TMEM235: variants seen among roughly 807,000 people sequenced by gnomAD.
TMEM235 encodes transmembrane protein 235.
TMEM235 carries 23 observed loss-of-function variants against 22.9 expected under a neutral mutation model. The observed-to-expected ratio is 1.00, with a 90% CI of 0.72 to 1.42. The LOEUF is 1.42. Ranked by LOEUF, TMEM235 falls within the 40% of genes most tolerant of loss-of-function variation. The pLI, the probability that TMEM235 is intolerant of heterozygous loss-of-function variation, is 0.00. For synonymous variants in TMEM235, 137 were observed against 140.5 expected, an observed-to-expected ratio of 0.98 and a Z score of 0.17; for missense variants, 308 against 299.5, an observed-to-expected ratio of 1.03 and a Z score of -0.21.
exon 2 of TMEM235, chr17:78,231,529 G>C (rs1346048509): frequency 7.7e-7 from 1 of 1,304,256 alleles, no homozygotes. Flanking sequence ...GGGCCAGCCC[G>C]TGCCAGGCTC....
exon 2 of TMEM235, chr17:78,231,518 A>C (rs1364999707): frequency 3.1e-6 from 4 of 1,303,980 alleles, no homozygotes; most frequent in Non-Finnish European, 3.0e-6. Context: ...CCAGGACCCC[A>C]GGGCCAGCCC....
At chr17:78,233,785 G>A in intron 2 of TMEM235, 110 bp from the exon 2 acceptor site, 1 of 864,140 alleles carries the variant, frequency 1.2e-6, no homozygotes, top group Non-Finnish European at 1.8e-6. Flanking sequence ...AGTTTCAGCA[G>A]AAGAGAAGCT....
Position 78,237,754 on chromosome 17 carries a change from C to T in TMEM235, c.410-1270C>T, listed in dbSNP as rs1475478232. ...GACCGCTTCATTCAATTTGGCTTCA[C>T]ATTCTTCCCCAAAATAAATCCATAA... On this transcript the variant is annotated intron_variant, in intron 4 of 5. Transcript: ENST00000421688. The surrounding 1 kb of genome is among the most constrained non-coding windows in gnomAD (Gnocchi z 4.7). Among the ~76,000 whole-genome samples the T allele has an allele frequency of 6.6e-6, 1 of 152,158 alleles. No homozygotes were observed. Among genetic ancestry groups the T allele is most frequent in the East Asian group, 1.9e-4 (1 of 5,172 alleles).
intron 4 of TMEM235, 76 bp downstream of exon 3, chr17:78,234,806 C>G: frequency 2.0e-6 from 3 of 1,515,912 alleles, no homozygotes; most frequent in Non-Finnish European, 2.6e-6. Context: ...GGTGCTGCCT[C>G]TCCTGTTGCC....
chr17:78,233,617 A>C (rs111980138), intron 2 of TMEM235, among the ~76,000 whole-genome samples: 13,009 of 151,340 alleles, frequency 0.086, 810 homozygotes, highest in Middle Eastern at 0.2. Context: ...ATGGCGCGAA[A>C]CCGGGAGGCG....
In TMEM235 at chr17:78,238,759, T is replaced by C. The variant is rs563511728; in HGVS notation, c.410-265T>C. ...AGGTCTCTGAGGTTTGAGGACTGAA[T>C]TGGAGCCTCTTAAAGCTCCACTCCG... On this transcript the variant is annotated intron_variant, in intron 4 of 5. Transcript: ENST00000421688. This position sits in a 1 kb window ranked among gnomAD's most constrained non-coding sequence, Gnocchi z 4.3. 1.3e-5 allele frequency among the ~76,000 whole-genome samples: 2 copies of C among 151,902 alleles called. No homozygotes were observed. The highest frequency in any genetic ancestry group is 2.1e-4 in the South Asian group (1 of 4,810).
chr17:78,239,341 A>G, intron 5 of TMEM235, 68 bp downstream of exon 4: 1 of 1,474,158 alleles, frequency 6.8e-7, no homozygotes, highest in Non-Finnish European at 9.0e-7. Context: ...GCCCCTTGAG[A>G]GTCTGGGAAT....
exon 6 of TMEM235, chr17:78,240,111 C>G (rs1040421273): frequency 7.4e-7 from 1 of 1,343,604 alleles, no homozygotes; most frequent in Non-Finnish European, 9.8e-7. Context: ...TTCCGGCCCC[C>G]GACCCTTCCT....
intron 5 of TMEM235, among the ~76,000 whole-genome samples, chr17:78,239,557 C>T (rs2076685941): frequency 6.6e-6 from 1 of 152,136 alleles, no homozygotes; most frequent in African/African-American, 2.4e-5. Flanking sequence ...AAGTAAGTGG[C>T]CCAGGTGACA....
rs1330344627 is a variant in TMEM235, at chr17:78,238,548, C to CTG, written c.410-475_410-474insGT. Among the ~76,000 whole-genome samples, 3 of 96,390 alleles carry CTG rather than the reference C, an allele frequency of 3.1e-5. No homozygotes were observed. The highest frequency in any genetic ancestry group is 4.4e-5 in the Non-Finnish European group (2 of 45,210). 63.2% of individuals were successfully genotyped at this position (96,390 alleles called of 152,430 possible). A position where few individuals can be genotyped will look rare whatever the true frequency, so the allele number is the denominator to read the frequency against. On this transcript the variant is annotated intron_variant, in intron 4 of 5. Transcript: ENST00000421688. The surrounding 1 kb of genome is among the most constrained non-coding windows in gnomAD (Gnocchi z 4.3). ...ACGCTGCTGCCAGCAGAGGCCATGG[C>CTG]TCTGTGTGTGTGTGTGTGTGTGTGT...
chr17:78,239,798 A>G, exon 6 of TMEM235: 1 of 1,548,324 alleles, frequency 6.5e-7, no homozygotes, highest in African/African-American at 1.4e-5. Flanking sequence ...ACTGAGGCCC[A>G]GAGCGGCAGA....
exon 6 of TMEM235, chr17:78,239,926 A>G: frequency 6.4e-7 from 1 of 1,550,518 alleles, no homozygotes; most frequent in Non-Finnish European, 8.7e-7. Flanking sequence ...GGCTGATGAG[A>G]GGGCCCGAGA....
At chr17:78,234,011 C>T (rs1484344858) in intron 3 of TMEM235, 36 bp downstream of exon 2, 14 of 1,480,094 alleles carry the variant, frequency 9.5e-6, no homozygotes, top group Non-Finnish European at 1.3e-5. Flanking sequence ...CCATCCTTTC[C>T]AAATATTCAG....
rs991097240 is a variant in TMEM235 at position 78,237,785 on chromosome 17, G to A, written c.410-1239G>A. Among the ~76,000 whole-genome samples the A allele has an allele frequency of 1.3e-5, 2 of 152,114 alleles. No individual in the cohort carries two copies. Among genetic ancestry groups the A allele is most frequent in the African/African-American group, 4.8e-5 (2 of 41,418 alleles). Reference sequence around the variant, plus strand: ...TCCCCAAAATAAATCCATAATTTCTGTTGCTACGCTGCCCAGCCGGGCAGG... The same window carrying A: ...TCCCCAAAATAAATCCATAATTTCTATTGCTACGCTGCCCAGCCGGGCAGG... On this transcript the variant is annotated intron_variant, in intron 4 of 5. Transcript: ENST00000421688. The surrounding 1 kb of genome is among the most constrained non-coding windows in gnomAD (Gnocchi z 4.7).
At chr17:78,239,882 C>G in exon 6 of TMEM235, 1 of 1,551,476 alleles carries the variant, frequency 6.4e-7, no homozygotes, top group Middle Eastern at 1.7e-4. Context: ...CTGTTCTGTC[C>G]ACTCTCCCCG....
At chr17:78,239,344 C>T in intron 5 of TMEM235, 71 bp downstream of exon 4, 1 of 1,463,940 alleles carries the variant, frequency 6.8e-7, no homozygotes, top group Non-Finnish European at 9.1e-7. Flanking sequence ...CCTTGAGAGT[C>T]TGGGAATCCC....
intron 2 of TMEM235, among the ~76,000 whole-genome samples, chr17:78,232,922 T>C (rs949885392): frequency 2.0e-5 from 3 of 152,120 alleles, no homozygotes; most frequent in East Asian, 3.8e-4. Flanking sequence ...TGTGAGTGTA[T>C]GTAGTTGTGT....
At chr17:78,233,033 C>T (rs1258255823) in intron 2 of TMEM235, among the ~76,000 whole-genome samples, 1 of 152,120 alleles carries the variant, frequency 6.6e-6, no homozygotes. Context: ...GGGTGGTGCA[C>T]ATGTGCTGGT....
chr17:78,240,005 C>G, exon 6 of TMEM235: 1 of 1,534,560 alleles, frequency 6.5e-7, no homozygotes. Context: ...TGCCCCCTCC[C>G]TTGTTCTCAA....
Sources: gnomAD v4.1 joint callset for allele counts (sites outside exome capture counted in the v4.1 genomes callset) on GRCh38, gnomAD v4.1.1 for gene constraint, Gnocchi (gnomAD v3.1) non-coding constraint, MANE v1.5 for transcripts, NCBI Gene and HGNC (gene_info 2026-07-23, HGNC 2026-07-21) for gene names.